The following MYO19 variants were observed in gnomAD, a reference collection of about 807,000 sequenced individuals.
MYO19 encodes the protein unconventional myosin-XIX.
MYO19 carries 132 observed loss-of-function variants against 129.2 expected under a neutral mutation model. That is an observed-to-expected ratio of 1.02 (90% CI 0.89 to 1.18). MYO19 has a LOEUF of 1.18. Ranked by LOEUF, MYO19 falls within the 50% of genes most tolerant of loss-of-function variation. The probability of loss-of-function intolerance (pLI) is 0.00; values close to 1 mark genes in which losing one functional copy is unlikely to be tolerated. For synonymous variants in MYO19, 531 were observed against 477.2 expected (o/e 1.11, Z -1.47); for missense variants, 1,210 against 1,216.7 (o/e 0.99, Z 0.08).
At chr17:36,510,712 T>C (rs749929499) in intron 13 of MYO19, 34 bp downstream of exon 13, 9 of 1,555,534 alleles carry the variant, frequency 5.8e-6, no homozygotes, top group African/African-American at 1.4e-5. Flanking sequence ...CTTGTCGGGG[T>C]CCTCCCCAAC....
rs568544503 is a variant in MYO19, at chr17:36,528,522, A to C, written c.13-320T>G. Among the ~76,000 whole-genome samples, 9 of 151,970 alleles carry C rather than the reference A, an allele frequency of 5.9e-5. No homozygotes were observed. The East Asian group carries it at 9.7e-4, about 16-fold the overall frequency. On this transcript the variant is annotated intron_variant, in intron 3 of 25. Transcript: ENST00000614623. ...CAAGACTCTGTCTCAAAAAAAAAAA[A>C]AACCAAAAAACATGAAGGCCGCGAC...
In MYO19 at chr17:36,525,280, A is replaced by G. The variant is rs563566347; in HGVS notation, c.362T>C (p.Ile121Thr). 7.4e-6 allele frequency: 12 copies of G among 1,613,968 alleles called. No homozygotes were observed. Among genetic ancestry groups the G allele is most frequent in the South Asian group, 4.4e-5 (4 of 91,074 alleles). The change falls in exon 6 of 26, where the codon ATT becomes ACT. Residue 121 changes from isoleucine to threonine, a missense_variant. Ile to Thr is a moderately conservative substitution (Grantham distance 89). Transcript: ENST00000614623. Reference protein sequence around the residue: ...EQTYRNVKSLIEPVNQSIVVS... With the variant: ...EQTYRNVKSLTEPVNQSIVVS... ...AACAATAGACTGGTTGACTGGTTCA[A>G]TCAGGCTCTTGACATTCCTGTAGGT...
Position 36,498,400 on chromosome 17 carries a change from T to C in MYO19, c.2623A>G (p.Met875Val). The change falls in exon 25 of 26, where the codon ATG becomes GTG. Residue 875 changes from methionine (M) to valine (V), a missense_variant. Coordinates refer to ENST00000614623, the MANE Select transcript of MYO19 (RefSeq NM_001163735.2). ...TTCCTCTGAAAGCTGCCTACACCCA[T>C]AGCCGTATTGGCCAGGACCAGTCCC... ...PLGLVLANTA[M>V]GVGSFQRKLV... 6.2e-7 allele frequency: 1 copy of C among 1,614,020 alleles called. No homozygotes were observed. Among genetic ancestry groups the C allele is most frequent in the Non-Finnish European group, 8.5e-7 (1 of 1,179,890 alleles).
Position 36,506,530 on chromosome 17 carries a change from G to C in MYO19, c.1723C>G (p.Pro575Ala), listed in dbSNP as rs764003743. ...PLLMGLFPTN[P>A]KEKTQEEPPG... ...GGTTCCTCCTGGGTCTTCTCTTTGG[G>C]GTTAGTAGGAAACAGCCCCATGAGC... The change falls in exon 18 of 26, where the codon CCC becomes GCC. Residue 575 changes from proline to alanine, a missense_variant. By Grantham distance (27) the Pro-to-Ala change is conservative (BLOSUM62 -1). Transcript: ENST00000614623. 1.2e-6 allele frequency: 2 copies of C among 1,601,262 alleles called. No individual in the cohort carries two copies. The highest frequency in any genetic ancestry group is 1.1e-5 in the South Asian group (1 of 89,208).
At chr17:36,519,816 T>C (rs1181274982) in intron 6 of MYO19, among the ~76,000 whole-genome samples, 1 of 152,156 alleles carries the variant, frequency 6.6e-6, no homozygotes, top group African/African-American at 2.4e-5. Context: ...TTTATTTCAC[T>C]TTCATTGTTG....
Position 36,528,095 on chromosome 17 carries a change from G to A in MYO19, c.120C>T (p.Leu40=). The change falls in exon 4 of 26, where the codon CTC becomes CTT. Residue 40 remains leucine, a synonymous_variant. Transcript: ENST00000614623. ...GEVLLYKLDD[L]TRVNPVTLET... ...CTAGTGTCACAGGATTCACCCTGGT[G>A]AGGTCATCCAGTTTGTACAGCAGGA... The A allele has an allele frequency of 1.9e-6, 3 of 1,613,948 alleles. No homozygotes were observed. The highest frequency in any genetic ancestry group is 2.5e-6 in the Non-Finnish European group (3 of 1,179,852).
Position 36,510,871 on chromosome 17 carries a change from C to T in MYO19, c.1032G>A (p.Val344=). Residue 344 remains valine (V), a synonymous_variant, in exon 13 of 26, where the codon GTG becomes GTA. Transcript: ENST00000614623. ...TTCTAATCTGCACCATCTCCAGCAG[C>T]ACGTCCTCTGGGAGCCCCAGCAGCG... ...AASLLGLPED[V]LLEMVQIRTI... is the part of the protein sequence containing the mutation. 1 of 1,582,476 alleles carries T rather than the reference C, an allele frequency of 6.3e-7. No homozygotes were observed. Among genetic ancestry groups the T allele is most frequent in the South Asian group, 1.2e-5 (1 of 86,360 alleles).
intron 12 of MYO19, 127 bp downstream of exon 12, chr17:36,511,238 C>G (rs997855576): frequency 1.0e-6 from 1 of 978,000 alleles, no homozygotes; most frequent in Non-Finnish European, 1.6e-6. Context: ...CAGGGCCAGG[C>G]CCTATGGTGG....
In MYO19 at chr17:36,506,966, GTTC is replaced by G. The variant is rs1038936645; in HGVS notation, c.1638_1640del (p.Lys546del). ...CAGGGCATGGCCCAGCCCGTACCTT[GTTC>G]TTCTCCACCAGGCCTGCTGTGTGGT... On this transcript the variant is annotated inframe_deletion, in exon 17 of 26. Transcript: ENST00000614623. The G allele has an allele frequency of 3.8e-6, 6 of 1,593,240 alleles. No homozygotes were observed. The African/African-American group carries it at 6.7e-5, about 18-fold the overall frequency.
chr17:36,500,662 C>T (rs976175319), intron 23 of MYO19, 168 bp downstream of exon 23: 4 of 928,922 alleles, frequency 4.3e-6, no homozygotes, highest in Admixed American at 2.9e-5. Flanking sequence ...ACTGGAGAGA[C>T]GTTATGAGTG....
At chr17:36,538,861 C>G (rs1433177736), upstream of MYO19, 11 of 382,082 alleles carry the variant, frequency 2.9e-5, no homozygotes, top group Non-Finnish European at 4.9e-5. Flanking sequence ...TCAAGCAATT[C>G]TCCTGCCTCA....
At position 36,500,848 on chromosome 17, in the gene MYO19, C is replaced by T. The variant is rs1054943711; in HGVS notation, c.2359G>A (p.Val787Ile). Residue 787 changes from valine to isoleucine, a missense_variant, in exon 23 of 26, where the codon GTC becomes ATC. By Grantham distance (29) the Val-to-Ile change is conservative (BLOSUM62 3). Transcript: ENST00000614623. The stretch of plus-strand genomic sequence containing the variant: ...CACCTACCTGCCTGGATGAGCATGA[C>T]GGCCCGCCACTGCCGCTCCTGCTCT... ...HREQERQWRA[V>I]MLIQAAIRSW... The T allele has an allele frequency of 6.9e-6, 11 of 1,596,944 alleles. No individual in the cohort carries two copies. The highest frequency in any genetic ancestry group is 4.5e-5 in the East Asian group (2 of 44,520).
intron 6 of MYO19, among the ~76,000 whole-genome samples, chr17:36,522,427 T>G (rs1304431221): frequency 6.6e-6 from 1 of 151,554 alleles, no homozygotes; most frequent in Non-Finnish European, 1.5e-5. Flanking sequence ...AGAGAACTGC[T>G]TGAACCCAGG....
intron 14 of MYO19, chr17:36,508,126 T>G: frequency 6.3e-6 from 3 of 474,386 alleles, no homozygotes; most frequent in Non-Finnish European, 1.1e-5. Context: ...CTCTACCCCA[T>G]TCCCCTGTAG....
upstream of MYO19, chr17:36,537,377 G>A (rs1427908389): frequency 1.2e-6 from 2 of 1,613,532 alleles, no homozygotes; most frequent in African/African-American, 1.3e-5. Flanking sequence ...TTGGGGCAGG[G>A]CTGTTGTATC....
At chr17:36,526,765 T>A (rs575384084) in intron 5 of MYO19, among the ~76,000 whole-genome samples, 31 of 152,234 alleles carry the variant, frequency 2.0e-4, no homozygotes, top group African/African-American at 7.2e-4. Context: ...TGGGCACCTG[T>A]AGTCCCAGCT....
chr17:36,541,427 G>A (rs1216173123), intron 2 of MYO19, among the ~76,000 whole-genome samples: 1 of 152,148 alleles, frequency 6.6e-6, no homozygotes, highest in African/African-American at 2.4e-5. Flanking sequence ...ATGAAGCTAA[G>A]ACATAATAAG....
chr17:36,511,126 T>C (rs1262298053), intron 12 of MYO19: 1 of 668,358 alleles, frequency 1.5e-6, no homozygotes, highest in Non-Finnish European at 2.5e-6. Context: ...CATGCTGCCA[T>C]GTATGGGACA....
chr17:36,527,679 G>GGCA lies in MYO19; in HGVS notation c.171_172insTGC (p.Ala57_Arg58insCys). The GGCA allele has an allele frequency of 6.2e-7, 1 of 1,612,958 alleles. No individual in the cohort carries two copies. The highest frequency in any genetic ancestry group is 8.5e-7 in the Non-Finnish European group (1 of 1,179,486). ...GTGTAGAATGTGTCTGCCATGTACC[G>GGCA]GGCCTGCAGGCACCTCAGGACTGAG... On this transcript the variant is annotated inframe_insertion, in exon 5 of 26. Coordinates refer to ENST00000614623, the MANE Select transcript of MYO19 (RefSeq NM_001163735.2).
Sources: gnomAD v4.1 joint callset for allele counts (sites outside exome capture counted in the v4.1 genomes callset) on GRCh38, gnomAD v4.1.1 for gene constraint, MANE v1.5 for transcripts, NCBI Gene and HGNC (gene_info 2026-07-23, HGNC 2026-07-21) for gene names.